KCNQ5: variants seen among roughly 807,000 people sequenced by gnomAD.
KCNQ5 encodes the protein potassium voltage-gated channel subfamily Q member 5.
A neutral mutation model predicts 98.2 loss-of-function variants in KCNQ5; 30 were observed. The observed-to-expected ratio is 0.31, with a 90% confidence interval of 0.23 to 0.41. The LOEUF is 0.41. Among genes scored for constraint, KCNQ5 ranks in the 10% least tolerant of loss-of-function variants. The pLI, the probability that KCNQ5 is intolerant of heterozygous loss-of-function variation, is 1.00. For missense variants in KCNQ5, 835 were observed against 1,182.5 expected (o/e 0.71, Z 4.31); for synonymous variants, 458 against 449.4 (o/e 1.02, Z -0.24).
At chr6:73,112,339 T>C (rs1775276083) in intron 7 of KCNQ5, among the ~76,000 whole-genome samples, 1 of 151,774 alleles carries the variant, frequency 6.6e-6, no homozygotes, top group Admixed American at 6.6e-5. Flanking sequence ...GTTTTATTTT[T>C]TGTTTGTTTT....
intron 1 of KCNQ5, among the ~76,000 whole-genome samples, chr6:72,986,054 G>T (rs1298479537): frequency 2.6e-5 from 4 of 152,090 alleles, no homozygotes; most frequent in African/African-American, 9.6e-5. Flanking sequence ...CATGGTGAAA[G>T]CCCGTCTCTA....
intron 1 of KCNQ5, among the ~76,000 whole-genome samples, chr6:72,637,021 A>G (rs2098924537): frequency 6.6e-6 from 1 of 151,888 alleles, no homozygotes; most frequent in African/African-American, 2.4e-5. Context: ...GGGCATTCCC[A>G]CACTGAGACC....
At chr6:73,055,187 A>T (rs878959644) in intron 3 of KCNQ5, 2 of 917,904 alleles carry the variant, frequency 2.2e-6, no homozygotes, top group Non-Finnish European at 3.6e-6. Flanking sequence ...CGCCATCCTG[A>T]GCCCAGCGGG....
intron 1 of KCNQ5, among the ~76,000 whole-genome samples, chr6:72,698,010 G>C (rs1198677589): frequency 6.6e-6 from 1 of 152,114 alleles, no homozygotes; most frequent in Admixed American, 6.5e-5. Flanking sequence ...GAGTCCACTA[G>C]TTCAATACCA....
At chr6:72,884,283 C>G (rs151030373) in intron 1 of KCNQ5, among the ~76,000 whole-genome samples, 2 of 152,158 alleles carry the variant, frequency 1.3e-5, no homozygotes, top group East Asian at 1.9e-4. Context: ...ATTAAAAATC[C>G]CTGAAGCATT....
intron 10 of KCNQ5, among the ~76,000 whole-genome samples, chr6:73,167,472 G>A (rs766269606): frequency 2.6e-5 from 4 of 152,144 alleles, no homozygotes; most frequent in Non-Finnish European, 2.9e-5. Context: ...TACTAGCTCC[G>A]CTTGCCACCT....
chr6:72,938,143 T>C (rs2150236136), intron 1 of KCNQ5, among the ~76,000 whole-genome samples: 1 of 152,318 alleles, frequency 6.6e-6, no homozygotes, highest in Middle Eastern at 3.4e-3. Flanking sequence ...TAGTAACTAA[T>C]TAATTCATTA....
chr6:73,186,629 G>A (rs546853065), intron 11 of KCNQ5, among the ~76,000 whole-genome samples: 13 of 151,814 alleles, frequency 8.6e-5, no homozygotes, highest in East Asian at 5.8e-4. Context: ...TGGTACAGAC[G>A]CAATAGATGT....
intron 1 of KCNQ5, among the ~76,000 whole-genome samples, chr6:72,689,095 T>A (rs574315622): frequency 6.6e-6 from 1 of 152,354 alleles, no homozygotes; most frequent in Non-Finnish European, 1.5e-5. Flanking sequence ...ACTGATGGCC[T>A]ATTTGCAGTT....
chr6:72,767,585 C>T (rs1772643345), intron 1 of KCNQ5, among the ~76,000 whole-genome samples: 1 of 151,854 alleles, frequency 6.6e-6, no homozygotes, highest in South Asian at 2.1e-4. Context: ...TTGCAAATTG[C>T]ATATCCGATA....
chr6:72,835,085 G>C (rs1303646189), intron 1 of KCNQ5, among the ~76,000 whole-genome samples: 1 of 151,910 alleles, frequency 6.6e-6, no homozygotes, highest in Non-Finnish European at 1.5e-5. Flanking sequence ...TTCTTTACAA[G>C]CAGGGTACAA....
intron 1 of KCNQ5, among the ~76,000 whole-genome samples, chr6:72,736,654 C>G (rs9293903): frequency 2.0e-5 from 3 of 147,416 alleles, no homozygotes; most frequent in Non-Finnish European, 4.4e-5. Flanking sequence ...CGCCCGCCAC[C>G]ACGCCCGGCT....
At position 72,622,427 on chromosome 6, in the gene KCNQ5, C is replaced by T. The variant is rs750955277; in HGVS notation, c.238C>T (p.Arg80Trp). The T allele has an allele frequency of 1.3e-6, 2 of 1,543,230 alleles. No individual in the cohort carries two copies. Among genetic ancestry groups the T allele is most frequent in the South Asian group, 2.4e-5 (2 of 83,526 alleles). The change falls in exon 1 of 14, where the codon CGG becomes TGG. Residue 80 changes from arginine to tryptophan, a missense_variant. This residue lies in a region of KCNQ5 where 54 missense variants were observed against 51.5 expected (regional missense o/e 1.05). Transcript: ENST00000370398. The surrounding 1 kb of genome is among the most constrained non-coding windows in gnomAD (Gnocchi z 6.0). ...GGGGGLRESR[R>W]GKQGARMSLL... is the part of the protein sequence containing the mutation. ...CGGCGGTGGCCTGAGGGAGAGCCGC[C>T]GGGGCAAGCAGGGGGCCCGGATGAG...
At chr6:73,161,066 G>T (rs924330552) in intron 10 of KCNQ5, among the ~76,000 whole-genome samples, 1 of 152,148 alleles carries the variant, frequency 6.6e-6, no homozygotes, top group African/African-American at 2.4e-5. Context: ...TAACCTAAGT[G>T]CCCGTCAGTG....
chr6:72,801,630 A>G (rs1347372648), intron 1 of KCNQ5, among the ~76,000 whole-genome samples: 1 of 136,298 alleles, frequency 7.3e-6, no homozygotes, highest in Non-Finnish European at 1.6e-5. Context: ...ATTTACATTT[A>G]AAGTTAATAT....
At chr6:72,726,504 C>T (rs915802798) in intron 1 of KCNQ5, among the ~76,000 whole-genome samples, 9 of 152,144 alleles carry the variant, frequency 5.9e-5, no homozygotes, top group African/African-American at 1.9e-4. Context: ...TAAGCCACCA[C>T]GCCCAGCCAA....
chr6:72,647,956 A>G (rs1765682171), intron 1 of KCNQ5, among the ~76,000 whole-genome samples: 1 of 152,162 alleles, frequency 6.6e-6, no homozygotes, highest in Non-Finnish European at 1.5e-5. Context: ...TTGAAGACCT[A>G]TTAAGTATAA....
intron 3 of KCNQ5, among the ~76,000 whole-genome samples, chr6:73,048,405 A>C (rs1293453147): frequency 1.3e-5 from 2 of 152,166 alleles, no homozygotes; most frequent in Non-Finnish European, 2.9e-5. Context: ...AGCAGTGGGG[A>C]GAATAGCAGA....
At chr6:72,780,245 C>A (rs1773392785) in intron 1 of KCNQ5, among the ~76,000 whole-genome samples, 1 of 152,176 alleles carries the variant, frequency 6.6e-6, no homozygotes, top group Non-Finnish European at 1.5e-5. Context: ...AGAGGCCTGT[C>A]CGACTCCAAG....
Sources: gnomAD v4.1 joint callset for allele counts (sites outside exome capture counted in the v4.1 genomes callset) on GRCh38, gnomAD v4.1.1 for gene constraint, gnomAD v4.1.1 regional missense constraint, Gnocchi (gnomAD v3.1) non-coding constraint, MANE v1.5 for transcripts, NCBI Gene and HGNC (gene_info 2026-07-23, HGNC 2026-07-21) for gene names.